The following CHRM3 variants were observed in gnomAD, a reference collection of about 807,000 sequenced individuals.
The protein encoded by CHRM3 is muscarinic acetylcholine receptor M3.
Under a neutral mutation model 41.8 loss-of-function variants are expected in CHRM3, and 11 were observed. The observed-to-expected ratio is 0.26, with a 90% CI of 0.17 to 0.44. The LOEUF (loss-of-function observed/expected upper bound fraction) is 0.44, where lower values mean the gene tolerates loss of function less well. Among genes scored for constraint, CHRM3 ranks in the 20% least tolerant of loss-of-function variants. The pLI is 1.00. For synonymous variants in CHRM3, 297 were observed against 301.4 expected, an observed-to-expected ratio of 0.99 and a Z score of 0.15; for missense variants, 571 against 745.4, an observed-to-expected ratio of 0.77 and a Z score of 2.72.
intron 6 of CHRM3, among the ~76,000 whole-genome samples, chr1:239,869,084 C>A (rs572125552): frequency 6.6e-6 from 1 of 152,166 alleles, no homozygotes; most frequent in East Asian, 1.9e-4. Flanking sequence ...CGCCTAGAAA[C>A]CCTGCACCCC....
At chr1:239,900,966 G>A (rs898092104) in intron 6 of CHRM3, among the ~76,000 whole-genome samples, 2 of 152,132 alleles carry the variant, frequency 1.3e-5, no homozygotes, top group African/African-American at 4.8e-5. Context: ...TTACAACAAG[G>A]TTCCCTGTTC....
chr1:239,729,073 G>T (rs967914214), intron 5 of CHRM3, among the ~76,000 whole-genome samples: 2 of 151,910 alleles, frequency 1.3e-5, no homozygotes, highest in South Asian at 4.1e-4. Context: ...CATTGCTGGT[G>T]TAAAAGCAGT....
intron 6 of CHRM3, among the ~76,000 whole-genome samples, chr1:239,877,177 G>A (rs1310880684): frequency 6.6e-6 from 1 of 152,170 alleles, no homozygotes; most frequent in African/African-American, 2.4e-5. Context: ...TTAAATTCTA[G>A]TGAATCATCC....
At chr1:239,577,537 T>C (rs760015954) in intron 3 of CHRM3, among the ~76,000 whole-genome samples, 1 of 152,192 alleles carries the variant, frequency 6.6e-6, no homozygotes, top group African/African-American at 2.4e-5. Flanking sequence ...TTCACTACCA[T>C]GCACTGTCCC....
intron 6 of CHRM3, among the ~76,000 whole-genome samples, chr1:239,834,657 G>A (rs145983400): frequency 6.6e-6 from 1 of 152,184 alleles, no homozygotes; most frequent in East Asian, 1.9e-4. Flanking sequence ...TCCCCTGAAG[G>A]CAGAAAGTGT....
chr1:239,442,000 C>A (rs998419603), intron 1 of CHRM3, among the ~76,000 whole-genome samples: 2 of 152,068 alleles, frequency 1.3e-5, no homozygotes, highest in African/African-American at 4.8e-5. Context: ...TTCATTTATA[C>A]CTAGAAAGGA....
intron 1 of CHRM3, among the ~76,000 whole-genome samples, chr1:239,404,380 GAA>G (rs757679282): frequency 3.4e-4 from 23 of 67,574 alleles, no homozygotes; most frequent in South Asian, 1.1e-3. Flanking sequence ...AAGAAAGAAA[GAA>G]AGAAAGAAAG....
chr1:239,906,156 C>G (rs566087893), intron 6 of CHRM3, among the ~76,000 whole-genome samples: 1 of 152,294 alleles, frequency 6.6e-6, no homozygotes, highest in South Asian at 2.1e-4. Context: ...TCCTGCTATG[C>G]CAGAAAGCCT....
intron 3 of CHRM3, among the ~76,000 whole-genome samples, chr1:239,577,881 A>C (rs1486263470): frequency 6.6e-6 from 1 of 152,174 alleles, no homozygotes; most frequent in East Asian, 1.9e-4. Flanking sequence ...CATGGCAAGC[A>C]TACGGATCCC....
At chr1:239,640,962 T>G (rs558662005) in intron 4 of CHRM3, among the ~76,000 whole-genome samples, 10 of 151,084 alleles carry the variant, frequency 6.6e-5, no homozygotes, top group South Asian at 2.1e-4. Flanking sequence ...TCTGGTATGT[T>G]GTGTCTTTGT....
chr1:239,914,400 C>T lies in CHRM3; in HGVS notation c.*5176C>T, dbSNP rs1320966638. On this transcript the variant is annotated 3_prime_UTR_variant, in exon 7 of 7. Coordinates refer to ENST00000676153, the MANE Select transcript of CHRM3 (RefSeq NM_001375978.1). Reference sequence around the variant, plus strand: ...ATTCTGTGCACATCAATGTCCCATGCTGCTACTGTAGTCAGGAGTTATTTG... The same window carrying T: ...ATTCTGTGCACATCAATGTCCCATGTTGCTACTGTAGTCAGGAGTTATTTG... 1.8e-5 allele frequency: 3 copies of T among 167,024 alleles called. No individual in the cohort carries two copies. The highest frequency in any genetic ancestry group is 7.2e-5 in the African/African-American group (3 of 41,428). 10.3% of individuals were successfully genotyped at this position (167,024 alleles called of 1,614,324 possible). A position where few individuals can be genotyped will look rare whatever the true frequency, so the allele number is the denominator to read the frequency against.
chr1:239,667,546 T>C lies in CHRM3; in HGVS notation c.-249-10640T>C, dbSNP rs544269744. 3.0e-4 allele frequency among the ~76,000 whole-genome samples: 45 copies of C among 152,288 alleles called. No homozygotes were observed. The South Asian group carries it at 8.9e-3, about 30-fold the overall frequency. ...CTGAGGGTCACCACTTTTGGGCAGA[T>C]GTTAATTGTGTGTCCAAGATAGGAA... On this transcript the variant is annotated intron_variant, in intron 4 of 6. Transcript: ENST00000676153.
At chr1:239,618,053 T>G (rs567356997) in intron 3 of CHRM3, among the ~76,000 whole-genome samples, 11 of 152,066 alleles carry the variant, frequency 7.2e-5, no homozygotes, top group African/African-American at 2.7e-4. Context: ...TTTTATCAAC[T>G]GTGTTTCTAA....
intron 5 of CHRM3, among the ~76,000 whole-genome samples, chr1:239,800,748 G>C (rs1397219922): frequency 6.6e-6 from 1 of 152,126 alleles, no homozygotes; most frequent in Non-Finnish European, 1.5e-5. Context: ...GATGATCATA[G>C]TTCATTTTCC....
chr1:239,577,487 TAC>T (rs1558334399), intron 3 of CHRM3, among the ~76,000 whole-genome samples: 2 of 152,200 alleles, frequency 1.3e-5, no homozygotes, highest in Admixed American at 1.3e-4. Flanking sequence ...TCGGGATTGA[TAC>T]ACAGTCTTCT....
intron 5 of CHRM3, among the ~76,000 whole-genome samples, chr1:239,819,276 T>TC: frequency 6.6e-6 from 1 of 152,102 alleles, no homozygotes; most frequent in East Asian, 1.9e-4. Context: ...GTCTCTTAGG[T>TC]CCCCCTGCAG....
chr1:239,874,678 ATTGGGGTTT>A (rs1484539981), intron 6 of CHRM3, among the ~76,000 whole-genome samples: 2 of 151,450 alleles, frequency 1.3e-5, no homozygotes, highest in East Asian at 3.9e-4. Context: ...TGCAAAAGTA[ATTGGGGTTT>A]TTGGCATTAC....
At position 239,532,589 on chromosome 1, in the gene CHRM3, C is replaced by T. The variant is rs1572625838; in HGVS notation, c.-421-13052C>T. ...GCAGTGAGTCGAGGTCACGCCACTGCACTCTGCCTGGTGACAGAGCAAGAC... is the reference window on the plus strand; with the variant it reads ...GCAGTGAGTCGAGGTCACGCCACTGTACTCTGCCTGGTGACAGAGCAAGAC... On this transcript the variant is annotated intron_variant, in intron 2 of 6. Transcript: ENST00000676153. Among the ~76,000 whole-genome samples, 3 of 147,546 alleles carry T rather than the reference C, an allele frequency of 2.0e-5. No homozygotes were observed. The East Asian group carries it at 6.2e-4, about 30-fold the overall frequency.
intron 5 of CHRM3, among the ~76,000 whole-genome samples, chr1:239,776,930 G>A (rs1668133685): frequency 6.6e-6 from 1 of 152,118 alleles, no homozygotes; most frequent in Admixed American, 6.6e-5. Context: ...CAGCATGGAG[G>A]TAACCATCCC....
Sources: gnomAD v4.1 joint callset for allele counts (sites outside exome capture counted in the v4.1 genomes callset) on GRCh38, gnomAD v4.1.1 for gene constraint, MANE v1.5 for transcripts, NCBI Gene and HGNC (gene_info 2026-07-23, HGNC 2026-07-21) for gene names.